Variants in KLHDC10 observed in about 807,000 individuals in gnomAD.
The protein encoded by KLHDC10 is kelch domain-containing protein 10.
KLHDC10 carries 24 observed loss-of-function variants against 56.1 expected under a neutral mutation model. The ratio of observed to expected loss-of-function variants is 0.43; its 90% CI spans 0.31 to 0.60. KLHDC10 has a LOEUF of 0.60. Among genes scored for constraint, KLHDC10 ranks in the 20% least tolerant of loss-of-function variants. The pLI is 0.11. For missense variants in KLHDC10, 349 were observed against 567.0 expected (o/e 0.62, Z 3.91); for synonymous variants, 188 against 207.1 (o/e 0.91, Z 0.79).
chr7:130,085,904 T>C (rs1466145874), intron 1 of KLHDC10, among the ~76,000 whole-genome samples: 3 of 151,456 alleles, frequency 2.0e-5, no homozygotes, highest in African/African-American at 4.9e-5. Flanking sequence ...CTACCATTAG[T>C]ACAGTACTAT....
intron 1 of KLHDC10, among the ~76,000 whole-genome samples, chr7:130,074,417 A>G (rs1444401247): frequency 6.6e-6 from 1 of 152,056 alleles, no homozygotes; most frequent in Non-Finnish European, 1.5e-5. Flanking sequence ...GCATGATTTG[A>G]TACTCTTGAG....
intron 2 of KLHDC10, among the ~76,000 whole-genome samples, chr7:130,101,517 T>C (rs1795928643): frequency 6.6e-6 from 1 of 152,086 alleles, no homozygotes; most frequent in Non-Finnish European, 1.5e-5. Flanking sequence ...AATGAAAGAA[T>C]TGCCTTCAAA....
chr7:130,095,255 A>G (rs2116868571), intron 1 of KLHDC10, among the ~76,000 whole-genome samples: 1 of 151,972 alleles, frequency 6.6e-6, no homozygotes, highest in African/African-American at 2.4e-5. Flanking sequence ...TTTATAGTAG[A>G]TATGGGCTTG....
Position 130,133,520 on chromosome 7 carries a change from G to C in KLHDC10, c.*2774G>C, listed in dbSNP as rs1796428297. On this transcript the variant is annotated 3_prime_UTR_variant, in exon 10 of 10. Coordinates refer to ENST00000335420, the MANE Select transcript of KLHDC10 (RefSeq NM_014997.4). ...ATGCCAAGAATTTTAGATGTGATCA[G>C]CTGGCTTAAGCCAACTCATGTCATG... 1 of 152,210 alleles carries C rather than the reference G, an allele frequency of 6.6e-6. No homozygotes were observed. The highest frequency in any genetic ancestry group is 6.5e-5 in the Admixed American group (1 of 15,276). The allele number at this position is 152,210 out of a possible 1,614,324, so 9.4% of individuals were successfully genotyped here.
At chr7:130,071,778 GAT>G (rs1393649109) in intron 1 of KLHDC10, among the ~76,000 whole-genome samples, 3 of 152,112 alleles carry the variant, frequency 2.0e-5, no homozygotes, top group East Asian at 3.8e-4. Context: ...TTATATTAGT[GAT>G]ATATTTGTTT....
In KLHDC10 at chr7:130,124,472, T is replaced by A. The variant is rs1239837381; in HGVS notation, c.801T>A (p.His267Gln). The A allele has an allele frequency of 6.2e-7, 1 of 1,602,148 alleles. No homozygotes were observed. Among genetic ancestry groups the A allele is most frequent in the East Asian group, 2.2e-5 (1 of 44,808 alleles). Residue 267 changes from histidine to glutamine, a missense_variant, in exon 6 of 10, where the codon CAT becomes CAA. Physicochemically the swap from His to Gln is conservative, Grantham distance 24 (BLOSUM62 0). Around this residue, in one of 2 missense-constraint regions of KLHDC10, gnomAD observed 245 missense variants for 470.1 expected, o/e 0.52. Coordinates refer to ENST00000335420, the MANE Select transcript of KLHDC10 (RefSeq NM_014997.4). ...TCAGATACCGACATGAAATTGCACA[T>A]GACGGGCAGAGGATTTACATCTTGG... ...PEERYRHEIA[H>Q]DGQRIYILGG...
intron 1 of KLHDC10, among the ~76,000 whole-genome samples, chr7:130,094,302 T>C (rs563534732): frequency 2.6e-4 from 39 of 152,326 alleles, no homozygotes; most frequent in Non-Finnish European, 3.5e-4. Flanking sequence ...TATAAAATCA[T>C]ATATCGTAGA....
intron 2 of KLHDC10, among the ~76,000 whole-genome samples, chr7:130,108,835 C>G (rs932317352): frequency 6.6e-6 from 1 of 152,162 alleles, no homozygotes; most frequent in Non-Finnish European, 1.5e-5. Context: ...TCTCCTCTCT[C>G]CCTTCCCCCC....
chr7:130,129,041 C>T (rs930883343), intron 8 of KLHDC10, among the ~76,000 whole-genome samples: 2 of 151,410 alleles, frequency 1.3e-5, no homozygotes, highest in Non-Finnish European at 2.9e-5. Context: ...GTTATAGGAC[C>T]GAACAGCTGG....
At chr7:130,101,008 AAAC>A (rs1487026341) in intron 2 of KLHDC10, among the ~76,000 whole-genome samples, 14 of 144,228 alleles carry the variant, frequency 9.7e-5, no homozygotes, top group African/African-American at 9.8e-5. Flanking sequence ...TAAAAAAAAA[AAAC>A]AAAAAAAACA....
intron 1 of KLHDC10, among the ~76,000 whole-genome samples, chr7:130,083,584 A>G (rs1291932249): frequency 2.0e-5 from 3 of 152,098 alleles, no homozygotes; most frequent in Non-Finnish European, 4.4e-5. Context: ...AGACCCACCC[A>G]TGTATACTTT....
chr7:130,130,690 C>G lies in KLHDC10; in HGVS notation c.1273C>G (p.Arg425Gly). The part of the protein sequence containing the change: ...AAFPNLANLS[R>G]TQLLHLGLTQ... Reference sequence around the variant, plus strand: ...CTTCCCTAACCTTGCAAACCTCTCCCGAACACAACTTCTGCACCTTGGACT... The same window carrying G: ...CTTCCCTAACCTTGCAAACCTCTCCGGAACACAACTTCTGCACCTTGGACT... Residue 425 changes from arginine to glycine, a missense_variant, in exon 10 of 10, where the codon CGA becomes GGA. Around this residue, in one of 2 missense-constraint regions of KLHDC10, gnomAD observed 245 missense variants for 470.1 expected, o/e 0.52. Transcript: ENST00000335420. This position sits in a 1 kb window ranked among gnomAD's most constrained non-coding sequence, Gnocchi z 4.2. 1 of 1,614,096 alleles carries G rather than the reference C, an allele frequency of 6.2e-7. No homozygotes were observed. The highest frequency in any genetic ancestry group is 8.5e-7 in the Non-Finnish European group (1 of 1,180,008).
chr7:130,072,266 A>G (rs1291830354), intron 1 of KLHDC10, among the ~76,000 whole-genome samples: 1 of 152,174 alleles, frequency 6.6e-6, no homozygotes, highest in Non-Finnish European at 1.5e-5. Context: ...TAATTATACC[A>G]TGGGCTTCAA....
At chr7:130,109,712 C>T (rs889734685) in intron 2 of KLHDC10, among the ~76,000 whole-genome samples, 1 of 152,186 alleles carries the variant, frequency 6.6e-6, no homozygotes, top group Non-Finnish European at 1.5e-5. Context: ...AATCTCAGCT[C>T]ATTGCAACTT....
At chr7:130,079,717 G>T (rs1480801406) in intron 1 of KLHDC10, among the ~76,000 whole-genome samples, 3 of 90,836 alleles carry the variant, frequency 3.3e-5, no homozygotes, top group African/African-American at 1.2e-4. Flanking sequence ...CTGCCTGCCT[G>T]CCTTCCTGCC....
chr7:130,088,503 T>G lies in KLHDC10; in HGVS notation c.167-8418T>G, dbSNP rs952314889. ...GTTGGCCAGGCTGGTCTCGAACTCC[T>G]GACCTCGAGTGACCCACCTTCCTCA... On this transcript the variant is annotated intron_variant, in intron 1 of 9. Transcript: ENST00000335420. Among the ~76,000 whole-genome samples the G allele has an allele frequency of 4.6e-5, 7 of 152,052 alleles. No individual in the cohort carries two copies. In the East Asian group the frequency reaches 1.2e-3, roughly 25 times the overall value.
intron 2 of KLHDC10, among the ~76,000 whole-genome samples, chr7:130,107,914 C>T (rs1194891881): frequency 6.8e-6 from 1 of 146,486 alleles, no homozygotes; most frequent in African/African-American, 2.5e-5. Flanking sequence ...ACTCTGGAGG[C>T]TGAGGGTGGA....
chr7:130,135,210 C>T lies in KLHDC10; in HGVS notation c.*4464C>T, dbSNP rs886453197. The T allele has an allele frequency of 1.2e-4, 19 of 152,890 alleles. No homozygotes were observed. Among genetic ancestry groups the T allele is most frequent in the African/African-American group, 4.6e-4 (19 of 41,278 alleles). 9.5% of individuals were successfully genotyped at this position (152,890 alleles called of 1,614,324 possible). On this transcript the variant is annotated 3_prime_UTR_variant, in exon 10 of 10. Coordinates refer to ENST00000335420, the MANE Select transcript of KLHDC10 (RefSeq NM_014997.4). The stretch of plus-strand genomic sequence containing the variant: ...AAAAACAAAAAACAATTTCACCAAG[C>T]GGTAGTAATTGTTGTTTTACTAGTT...
At chr7:130,084,962 C>T (rs1465851289) in intron 1 of KLHDC10, among the ~76,000 whole-genome samples, 3 of 151,964 alleles carry the variant, frequency 2.0e-5, no homozygotes, top group African/African-American at 7.3e-5. Flanking sequence ...GTAATCTTTA[C>T]ATTAAAAAAA....
Sources: gnomAD v4.1 joint callset for allele counts (sites outside exome capture counted in the v4.1 genomes callset) on GRCh38, gnomAD v4.1.1 for gene constraint, gnomAD v4.1.1 regional missense constraint, Gnocchi (gnomAD v3.1) non-coding constraint, MANE v1.5 for transcripts, NCBI Gene and HGNC (gene_info 2026-07-23, HGNC 2026-07-21) for gene names.